Variants in CDK13 observed in about 807,000 individuals in gnomAD.
CDK13 encodes the protein cyclin dependent kinase 13.
Under a neutral mutation model 137.6 loss-of-function variants are expected in CDK13, and 40 were observed. The observed-to-expected ratio is 0.29, with a 90% CI of 0.23 to 0.38. The LOEUF (loss-of-function observed/expected upper bound fraction) is 0.38, where lower values mean the gene tolerates loss of function less well. Among genes scored for constraint, CDK13 ranks in the 10% least tolerant of loss-of-function variants. The probability of loss-of-function intolerance (pLI) is 1.00; values close to 1 mark genes in which losing one functional copy is unlikely to be tolerated. For missense variants in CDK13, 1,704 were observed against 1,951.8 expected, an observed-to-expected ratio of 0.87 and a Z score of 2.39; for synonymous variants, 869 against 760.1, an observed-to-expected ratio of 1.14 and a Z score of -2.36.
chr7:40,095,135 CAAA>C lies in CDK13; in HGVS notation c.*161_*163del. 1 of 557,992 alleles carries C rather than the reference CAAA, an allele frequency of 1.8e-6. No individual in the cohort carries two copies. The highest frequency in any genetic ancestry group is 3.4e-5 in the East Asian group (1 of 29,476). 34.6% of individuals were successfully genotyped at this position (557,992 alleles called of 1,614,324 possible). A position where few individuals can be genotyped will look rare whatever the true frequency, so the allele number is the denominator to read the frequency against. On this transcript the variant is annotated 3_prime_UTR_variant, in exon 14 of 14. Transcript: ENST00000181839. The stretch of plus-strand genomic sequence containing the variant: ...CTTGCATACAATAGTTTAAAAAAGA[CAAA>C]AAAAACCTTTGCTTAAATTCATGCT...
At chr7:40,046,289 A>G (rs985058350) in intron 6 of CDK13, among the ~76,000 whole-genome samples, 7 of 152,170 alleles carry the variant, frequency 4.6e-5, no homozygotes, top group Non-Finnish European at 8.8e-5. Flanking sequence ...GTGTTACATG[A>G]TGTTGCACCT....
At chr7:40,085,651 G>A (rs1288653316) in intron 11 of CDK13, 1 of 152,566 alleles carries the variant, frequency 6.6e-6, no homozygotes, top group Non-Finnish European at 1.5e-5. Context: ...ATGCCTGAAA[G>A]CTTCCCAATA....
At chr7:40,044,167 G>T (rs1293808976) in intron 5 of CDK13, among the ~76,000 whole-genome samples, 1 of 152,102 alleles carries the variant, frequency 6.6e-6, no homozygotes, top group Non-Finnish European at 1.5e-5. Context: ...AAAGTGCTGG[G>T]ATTATAGGTG....
intron 7 of CDK13, among the ~76,000 whole-genome samples, chr7:40,059,044 A>G (rs1362850324): frequency 1.3e-5 from 2 of 150,812 alleles, no homozygotes; most frequent in Non-Finnish European, 2.9e-5. Context: ...TAGGTATTTC[A>G]TTTTATATGA....
chr7:39,957,416 C>A (rs1018565915), intron 1 of CDK13, among the ~76,000 whole-genome samples: 7 of 143,540 alleles, frequency 4.9e-5, no homozygotes, highest in African/African-American at 1.7e-4. Flanking sequence ...AGATTGTAAG[C>A]TCCTAGAGGA....
intron 5 of CDK13, among the ~76,000 whole-genome samples, chr7:40,034,309 T>C (rs954048135): frequency 6.6e-6 from 1 of 152,184 alleles, no homozygotes; most frequent in Non-Finnish European, 1.5e-5. Context: ...TTGGGGGCAG[T>C]GGTTTGCCCT....
intron 11 of CDK13, among the ~76,000 whole-genome samples, chr7:40,083,876 ATC>A (rs1352901136): frequency 5.3e-5 from 8 of 152,170 alleles, no homozygotes; most frequent in Non-Finnish European, 2.9e-5. Context: ...ATAATATAAT[ATC>A]TCTCACTATT....
At chr7:40,086,994 C>A (rs373212676) in intron 11 of CDK13, among the ~76,000 whole-genome samples, 101 of 151,740 alleles carry the variant, frequency 6.7e-4, no homozygotes, top group Middle Eastern at 3.4e-3. Flanking sequence ...TTTATAGAGA[C>A]AGGGTTTCAG....
chr7:39,999,864 C>A (rs1485862278), intron 4 of CDK13, among the ~76,000 whole-genome samples: 1 of 141,226 alleles, frequency 7.1e-6, no homozygotes, highest in Non-Finnish European at 1.5e-5. Flanking sequence ...AAGCCTTACA[C>A]AACACTTTCA....
chr7:39,970,415 C>T (rs756772519), intron 1 of CDK13, among the ~76,000 whole-genome samples: 1 of 152,022 alleles, frequency 6.6e-6, no homozygotes. Flanking sequence ...ATAATGTTAA[C>T]ATTATGATAG....
At position 40,045,827 on chromosome 7, in the gene CDK13, C is replaced by T. The variant is rs1200987883; in HGVS notation, c.2354-9C>T. 1.9e-6 allele frequency: 3 copies of T among 1,572,748 alleles called. No individual in the cohort carries two copies. The highest frequency in any genetic ancestry group is 2.6e-6 in the Non-Finnish European group (3 of 1,149,394). On this transcript the variant is annotated splice_polypyrimidine_tract_variant and intron_variant, in intron 5 of 13. Transcript: ENST00000181839. ...AAGTTTCTAATGTATTAATTATTCT[C>T]ATTCTTAGGTGCATTTTATCTGGTG... is the stretch of plus-strand genomic sequence containing the variant.
intron 9 of CDK13, among the ~76,000 whole-genome samples, chr7:40,063,961 G>A (rs981509186): frequency 2.0e-5 from 3 of 151,782 alleles, no homozygotes; most frequent in African/African-American, 2.4e-5. Flanking sequence ...CATCCAGCCC[G>A]TCTTATATTT....
chr7:40,024,374 C>T (rs995102312), intron 5 of CDK13, among the ~76,000 whole-genome samples: 3 of 152,170 alleles, frequency 2.0e-5, no homozygotes, highest in Non-Finnish European at 4.4e-5. Context: ...TGTACTGCCT[C>T]GCTTTGTCAT....
chr7:40,092,471 T>C (rs1421501295), intron 12 of CDK13: 1 of 289,974 alleles, frequency 3.4e-6, no homozygotes, highest in Non-Finnish European at 6.5e-6. Flanking sequence ...TCATTATCAT[T>C]ATTCATTTCC....
At chr7:39,992,994 TC>T (rs1484640193) in intron 2 of CDK13, among the ~76,000 whole-genome samples, 2 of 152,178 alleles carry the variant, frequency 1.3e-5, no homozygotes, top group African/African-American at 4.8e-5. Context: ...TTAAGGTCTC[TC>T]CATATATGAG....
At chr7:39,998,116 T>A (rs1403965737) in intron 3 of CDK13, 3 of 156,050 alleles carry the variant, frequency 1.9e-5, no homozygotes, top group Non-Finnish European at 4.2e-5. Context: ...TTGAAATTTG[T>A]ATCCTAAATT....
chr7:40,023,093 C>CTTTT (rs748459820), intron 5 of CDK13, among the ~76,000 whole-genome samples: 2 of 137,552 alleles, frequency 1.5e-5, no homozygotes, highest in African/African-American at 2.7e-5. Flanking sequence ...TTATACTTAA[C>CTTTT]TTTTTTTTTT....
intron 1 of CDK13, among the ~76,000 whole-genome samples, chr7:39,983,953 C>T (rs144855705): frequency 1.3e-5 from 2 of 152,174 alleles, no homozygotes; most frequent in East Asian, 3.9e-4. Flanking sequence ...GAAATGCTTC[C>T]TCAATACTGA....
chr7:40,072,535 G>T (rs1786445228), intron 9 of CDK13: 1 of 152,228 alleles, frequency 6.6e-6, no homozygotes, highest in African/African-American at 2.4e-5. Flanking sequence ...GTTGAATCAT[G>T]TTAAGGTGCT....
Sources: gnomAD v4.1 joint callset for allele counts (sites outside exome capture counted in the v4.1 genomes callset) on GRCh38, gnomAD v4.1.1 for gene constraint, MANE v1.5 for transcripts, NCBI Gene and HGNC (gene_info 2026-07-23, HGNC 2026-07-21) for gene names.